COL22A1: variants seen among roughly 807,000 people sequenced by gnomAD.
COL22A1 encodes the protein collagen type XXII alpha 1 chain, also known as collagen alpha-1(XXII) chain.
A neutral mutation model predicts 248.9 loss-of-function variants in COL22A1; 221 were observed. That is an observed-to-expected ratio of 0.89 (90% CI 0.80 to 0.99). The LOEUF (loss-of-function observed/expected upper bound fraction) is 0.99. Ranked by LOEUF, COL22A1 falls within the 50% of genes least tolerant of loss-of-function variation. The probability of loss-of-function intolerance (pLI) is 0.00; values close to 1 mark genes in which losing one functional copy is unlikely to be tolerated. For synonymous variants in COL22A1, 891 were observed against 793.4 expected (o/e 1.12, Z -2.07); for missense variants, 2,240 against 2,179.0 (o/e 1.03, Z -0.56).
intron 41 of COL22A1, among the ~76,000 whole-genome samples, chr8:138,666,492 A>T (rs180834939): frequency 6.6e-6 from 1 of 152,262 alleles, no homozygotes; most frequent in South Asian, 2.1e-4. Context: ...AGAAGCAGAA[A>T]AAATAATGGA....
chr8:138,806,055 G>GGTGTGTGATGGTGT (rs1817634249), intron 10 of COL22A1, among the ~76,000 whole-genome samples: 1 of 7,196 alleles, frequency 1.4e-4, no homozygotes, highest in African/African-American at 5.0e-4. Context: ...TGTAGGTAAT[G>GGTGTGTGATGGTGT]GTGTGTGGTG....
chr8:138,902,735 T>TACAC (rs1275091313), intron 1 of COL22A1, among the ~76,000 whole-genome samples: 121 of 90,340 alleles, frequency 1.3e-3, no homozygotes, highest in South Asian at 3.9e-3. Flanking sequence ...AATATATATA[T>TACAC]ATATACACAC....
intron 10 of COL22A1, among the ~76,000 whole-genome samples, chr8:138,805,291 TG>T (rs1817421682): frequency 6.0e-5 from 7 of 116,428 alleles, no homozygotes; most frequent in South Asian, 2.7e-4. Context: ...ATGGTGTGTG[TG>T]GTGGTGTGGG....
chr8:138,871,579 C>T (rs1823345331), intron 3 of COL22A1, among the ~76,000 whole-genome samples: 2 of 152,222 alleles, frequency 1.3e-5, no homozygotes, highest in South Asian at 4.1e-4. Context: ...ATCTCCTTTC[C>T]CTTCTGGAAA....
intron 3 of COL22A1, among the ~76,000 whole-genome samples, chr8:138,866,348 C>T (rs76649478): frequency 0.018 from 2,743 of 152,226 alleles, 76 homozygotes; most frequent in African/African-American, 0.062. Context: ...GTGCAGAGTT[C>T]CTCCATGAAT....
chr8:138,598,969 G>T lies in COL22A1; in HGVS notation c.4186-71C>A, dbSNP rs1817767855. The T allele has an allele frequency of 5.9e-6, 9 of 1,513,194 alleles. No individual in the cohort carries two copies. The South Asian group carries it at 9.3e-5, about 16-fold the overall frequency. 93.7% of individuals were successfully genotyped at this position (1,513,194 alleles called of 1,614,324 possible). Reference sequence around the variant, plus strand: ...CTGTACCCCATGCAGCTGCAAAAGGGGTTCCCCCAGTCTGCCTCTTAGATC... The same window carrying T: ...CTGTACCCCATGCAGCTGCAAAAGGTGTTCCCCCAGTCTGCCTCTTAGATC... On this transcript the variant is annotated intron_variant, in intron 60 of 64. Coordinates refer to ENST00000303045, the MANE Select transcript of COL22A1 (RefSeq NM_152888.3).
intron 22 of COL22A1, among the ~76,000 whole-genome samples, chr8:138,739,065 C>T (rs1831354230): frequency 6.6e-6 from 1 of 152,150 alleles, no homozygotes; most frequent in African/African-American, 2.4e-5. Flanking sequence ...ACACACTTGG[C>T]CATTGCACTT....
At position 138,810,277 on chromosome 8, in the gene COL22A1, C is replaced by A. The variant is rs183632594; in HGVS notation, c.1449+1522G>T. On this transcript the variant is annotated intron_variant, in intron 9 of 64. Transcript: ENST00000303045. ...GCATTGGGTCTGGCATCGCTCCTGGCACAGTCCATCTGTGTGCACACTGGC... is the reference window on the plus strand; with the variant it reads ...GCATTGGGTCTGGCATCGCTCCTGGAACAGTCCATCTGTGTGCACACTGGC... Among the ~76,000 whole-genome samples the A allele has an allele frequency of 1.2e-3, 186 of 152,334 alleles. 3 individuals carry two copies. The highest frequency in any genetic ancestry group is 2.2e-3 in the Non-Finnish European group (153 of 68,034).
At chr8:138,719,112 A>G (rs571863817) in intron 27 of COL22A1, among the ~76,000 whole-genome samples, 1 of 152,314 alleles carries the variant, frequency 6.6e-6, no homozygotes, top group South Asian at 2.1e-4. Flanking sequence ...AGAACAGCAA[A>G]CCTAGATAAA....
chr8:138,845,028 T>C (rs1821141794), intron 3 of COL22A1, among the ~76,000 whole-genome samples: 1 of 149,700 alleles, frequency 6.7e-6, no homozygotes, highest in Non-Finnish European at 1.5e-5. Flanking sequence ...GAAATGGAAA[T>C]TGTGTGCAGG....
intron 1 of COL22A1, among the ~76,000 whole-genome samples, chr8:138,885,534 C>A (rs1298630083): frequency 6.6e-6 from 1 of 152,148 alleles, no homozygotes; most frequent in Non-Finnish European, 1.5e-5. Flanking sequence ...ATCCCTCCTA[C>A]CTACTATATT....
In COL22A1 at chr8:138,883,216, G is replaced by T; in HGVS notation, c.-44C>A. On this transcript the variant is annotated 5_prime_UTR_variant, in exon 2 of 65. Transcript: ENST00000303045. ...GACAGGCTTCTCTTGGCCAGGAAGA[G>T]ACGCTGTTAGGGTCTACAGCAGCAT... The T allele has an allele frequency of 6.5e-7, 1 of 1,534,830 alleles. No individual in the cohort carries two copies.
At chr8:138,839,362 C>A (rs1385642436) in intron 4 of COL22A1, among the ~76,000 whole-genome samples, 3 of 152,028 alleles carry the variant, frequency 2.0e-5, no homozygotes. Flanking sequence ...GGGCTTTTGT[C>A]GGCTCCATCG....
chr8:138,847,619 A>G (rs931020526), intron 3 of COL22A1, among the ~76,000 whole-genome samples: 1 of 152,152 alleles, frequency 6.6e-6, no homozygotes, highest in African/African-American at 2.4e-5. Flanking sequence ...GGATAAAGGA[A>G]AGGATTGCTT....
At position 138,655,918 on chromosome 8, in the gene COL22A1, C is replaced by A; in HGVS notation, c.3312G>T (p.Gly1104=). The A allele has an allele frequency of 2.5e-6, 4 of 1,612,750 alleles. No homozygotes were observed. Among genetic ancestry groups the A allele is most frequent in the Non-Finnish European group, 3.4e-6 (4 of 1,178,846 alleles). The change falls in exon 45 of 65, where the codon GGG becomes GGT. Residue 1104 remains glycine, a synonymous_variant. Transcript: ENST00000303045. ...TTACCTTAGCCAAGAGATTTATGTC[C>A]CCTGGAGACAGTAGTGAAGAGAGGC... ...KPGLSSLLSP[G]DINLLAKDVC...
At chr8:138,690,484 G>T (rs76933019) in intron 36 of COL22A1, among the ~76,000 whole-genome samples, 287 of 152,230 alleles carry the variant, frequency 1.9e-3, no homozygotes, top group African/African-American at 6.1e-3. Context: ...TCGAATCCAG[G>T]TCCCCCAATA....
At chr8:138,635,829 G>C (rs1821107573) in intron 48 of COL22A1, among the ~76,000 whole-genome samples, 1 of 152,144 alleles carries the variant, frequency 6.6e-6, no homozygotes, top group South Asian at 2.1e-4. Context: ...TCCAAATACA[G>C]AAGAGATTTT....
At chr8:138,609,502 T>C (rs1377563587) in intron 56 of COL22A1, among the ~76,000 whole-genome samples, 1 of 152,186 alleles carries the variant, frequency 6.6e-6, no homozygotes, top group Non-Finnish European at 1.5e-5. Context: ...CAGGGATCGC[T>C]GAGCTAGTAA....
chr8:138,862,765 T>G (rs1474275089), intron 3 of COL22A1, among the ~76,000 whole-genome samples: 5 of 152,080 alleles, frequency 3.3e-5, no homozygotes, highest in African/African-American at 7.2e-5. Context: ...CAAGGTTTTT[T>G]TTTTTTTTTT....
Sources: allele counts gnomAD v4.1 joint callset (sites outside exome capture counted in the v4.1 genomes callset), GRCh38; gene constraint gnomAD v4.1.1; transcripts MANE v1.5; gene names NCBI Gene and HGNC (gene_info 2026-07-23, HGNC 2026-07-21).